Variants in PRKAA1 observed in about 807,000 individuals in gnomAD.
PRKAA1 encodes 5'-AMP-activated protein kinase catalytic subunit alpha-1.
PRKAA1 carries 23 observed loss-of-function variants against 56.9 expected under a neutral mutation model. That is an observed-to-expected ratio of 0.40 (90% confidence interval 0.29 to 0.57). PRKAA1 has a LOEUF of 0.57. PRKAA1 is among the 20% of genes least tolerant of loss of function. The probability of loss-of-function intolerance (pLI) is 0.39; values close to 1 mark genes in which losing one functional copy is unlikely to be tolerated. For missense variants in PRKAA1, 413 were observed against 679.7 expected, an observed-to-expected ratio of 0.61 and a Z score of 4.36; for synonymous variants, 226 against 227.0, an observed-to-expected ratio of 1.00 and a Z score of 0.04.
chr5:40,784,904 A>AT (rs1460885794), intron 1 of PRKAA1, among the ~76,000 whole-genome samples: 1 of 152,194 alleles, frequency 6.6e-6, no homozygotes, highest in Non-Finnish European at 1.5e-5. Context: ...GTGAAATTTG[A>AT]TTTTTTTAAA....
intron 4 of PRKAA1, among the ~76,000 whole-genome samples, chr5:40,771,408 C>G (rs373561782): frequency 2.6e-5 from 4 of 152,190 alleles, no homozygotes; most frequent in Admixed American, 2.0e-4. Flanking sequence ...GAGGCTGAGG[C>G]AGGAGGGTCA....
intron 3 of PRKAA1, chr5:40,774,962 A>G: frequency 6.2e-7 from 1 of 1,605,100 alleles, no homozygotes; most frequent in Non-Finnish European, 8.5e-7. Context: ...TACTCCAGGT[A>G]CATCAGATTT....
intron 1 of PRKAA1, among the ~76,000 whole-genome samples, chr5:40,794,101 C>CA (rs34697780): frequency 0.38 from 52,372 of 139,392 alleles, 9,867 homozygotes; most frequent in Admixed American, 0.48. Context: ...AAACTGTCTC[C>CA]AAAAAAAAAA....
intron 3 of PRKAA1, 24 bp downstream of exon 3, chr5:40,775,386 C>T: frequency 6.5e-7 from 1 of 1,543,342 alleles, no homozygotes; most frequent in Non-Finnish European, 9.0e-7. Context: ...AAAATACATA[C>T]AGAATTAAAG....
chr5:40,774,549 ATTTTTTT>A (rs34814119), intron 3 of PRKAA1, among the ~76,000 whole-genome samples: 3 of 125,078 alleles, frequency 2.4e-5, no homozygotes, highest in African/African-American at 9.2e-5. Context: ...TCCAGGCAGA[ATTTTTTT>A]TTTTTTTTTT....
chr5:40,793,565 C>A (rs1744803082), intron 1 of PRKAA1, among the ~76,000 whole-genome samples: 1 of 152,142 alleles, frequency 6.6e-6, no homozygotes, highest in Non-Finnish European at 1.5e-5. Flanking sequence ...TTAAATTTAC[C>A]AATATGTATA....
chr5:40,760,484 A>T lies in PRKAA1; in HGVS notation c.*2294T>A, dbSNP rs1385808926. 1.3e-5 allele frequency: 2 copies of T among 152,730 alleles called. No individual in the cohort carries two copies. The highest frequency in any genetic ancestry group is 2.4e-5 in the African/African-American group (1 of 41,442). 9.5% of individuals were successfully genotyped at this position (152,730 alleles called of 1,614,324 possible). On this transcript the variant is annotated 3_prime_UTR_variant, in exon 9 of 9. Coordinates refer to ENST00000397128, the MANE Select transcript of PRKAA1 (RefSeq NM_006251.6). ...ACTTAATTCCATATACAAATTTGTA[A>T]CTTTAAAAATACAGTCTTCTGTTAA... is the stretch of plus-strand genomic sequence containing the variant.
chr5:40,792,401 C>T (rs1172441726), intron 1 of PRKAA1, among the ~76,000 whole-genome samples: 4 of 152,076 alleles, frequency 2.6e-5, no homozygotes, highest in Admixed American at 2.6e-4. Flanking sequence ...AATATGGCAG[C>T]GAATAACCCA....
Position 40,761,288 on chromosome 5 carries a change from T to C in PRKAA1, c.*1490A>G, listed in dbSNP as rs1366033420. 1 of 152,080 alleles carries C rather than the reference T, an allele frequency of 6.6e-6. No individual in the cohort carries two copies. Among genetic ancestry groups the C allele is most frequent in the African/African-American group, 2.4e-5 (1 of 41,414 alleles). 9.4% of individuals were successfully genotyped at this position (152,080 alleles called of 1,614,324 possible). A position where few individuals can be genotyped will look rare whatever the true frequency, so the allele number is the denominator to read the frequency against. On this transcript the variant is annotated 3_prime_UTR_variant, in exon 9 of 9. Transcript: ENST00000397128. The stretch of plus-strand genomic sequence containing the variant: ...TTAAATATGGCTTGATTAGATGATA[T>C]TGGGGAATTATTACTTTTACAATGG...
chr5:40,787,718 T>C (rs1353397055), intron 1 of PRKAA1, among the ~76,000 whole-genome samples: 1 of 142,012 alleles, frequency 7.0e-6, no homozygotes, highest in East Asian at 2.0e-4. Context: ...AAAGAAAAAA[T>C]CCAAAGTGGA....
intron 1 of PRKAA1, among the ~76,000 whole-genome samples, chr5:40,783,470 T>A (rs931364839): frequency 6.6e-6 from 1 of 151,988 alleles, no homozygotes; most frequent in African/African-American, 2.4e-5. Flanking sequence ...AGAAAAAAAA[T>A]TTCCAAGGCC....
chr5:40,771,896 T>C (rs761219778), intron 3 of PRKAA1, 33 bp from the exon 4 acceptor site: 1 of 1,593,950 alleles, frequency 6.3e-7, no homozygotes, highest in Non-Finnish European at 8.5e-7. Context: ...TTTAAAGGTG[T>C]GTCTTTCAAA....
In PRKAA1 at chr5:40,798,223, G is replaced by A. The variant is rs775973804; in HGVS notation, c.-34C>T. Reference sequence around the variant, plus strand: ...GGGAGGGGGCGGAGGGGGCGGGCAGGGCCGCGCCGGGGGCGGGCGGGGAGG... The same window carrying A: ...GGGAGGGGGCGGAGGGGGCGGGCAGAGCCGCGCCGGGGGCGGGCGGGGAGG... On this transcript the variant is annotated 5_prime_UTR_variant, in exon 1 of 9. Coordinates refer to ENST00000397128, the MANE Select transcript of PRKAA1 (RefSeq NM_006251.6). 84 of 271,686 alleles carry A rather than the reference G, an allele frequency of 3.1e-4. No homozygotes were observed. The highest frequency in any genetic ancestry group is 5.4e-4 in the Non-Finnish European group (78 of 145,062). 16.8% of individuals were successfully genotyped at this position (271,686 alleles called of 1,614,324 possible).
chr5:40,775,375 C>G, intron 3 of PRKAA1, 35 bp downstream of exon 3: 2 of 1,516,978 alleles, frequency 1.3e-6, no homozygotes, highest in South Asian at 2.2e-5. Flanking sequence ...AGGGGAGTTA[C>G]AAAATACATA....
chr5:40,788,430 A>C (rs1166746772), intron 1 of PRKAA1, among the ~76,000 whole-genome samples: 1 of 152,222 alleles, frequency 6.6e-6, no homozygotes, highest in Non-Finnish European at 1.5e-5. Flanking sequence ...TTAGGCGAGA[A>C]GCTCCATGAC....
intron 8 of PRKAA1, 143 bp downstream of exon 8, chr5:40,764,371 T>C (rs1166271965): frequency 1.3e-6 from 1 of 746,952 alleles, no homozygotes; most frequent in Non-Finnish European, 2.1e-6. Flanking sequence ...ATGTTAATAT[T>C]GCAAAGGCAC....
chr5:40,797,962 A>G lies in PRKAA1; in HGVS notation c.127+101T>C, dbSNP rs576688929. The G allele has an allele frequency of 7.2e-3, 10,447 of 1,457,374 alleles. 59 individuals carry two copies. Among genetic ancestry groups the G allele is most frequent in the Non-Finnish European group, 8.9e-3 (9,667 of 1,087,258 alleles). The allele number at this position is 1,457,374 out of a possible 1,614,324, so 90.3% of individuals were successfully genotyped here. On this transcript the variant is annotated intron_variant, in intron 1 of 8. Transcript: ENST00000397128. Reference sequence around the variant, plus strand: ...CGGGACAGGGGCTGCCCAGCCCTGGAAAGAAGGGACGCAGCGGGCGGGGGA... The same window carrying G: ...CGGGACAGGGGCTGCCCAGCCCTGGGAAGAAGGGACGCAGCGGGCGGGGGA...
At chr5:40,795,285 C>A (rs565300443) in intron 1 of PRKAA1, among the ~76,000 whole-genome samples, 1 of 152,028 alleles carries the variant, frequency 6.6e-6, no homozygotes, top group African/African-American at 2.4e-5. Context: ...AAATATGATG[C>A]AATGTATACT....
intron 1 of PRKAA1, among the ~76,000 whole-genome samples, chr5:40,780,971 ATAAACCATCTCCT>A (rs1452786106): frequency 6.6e-6 from 1 of 152,198 alleles, no homozygotes; most frequent in African/African-American, 2.4e-5. Context: ...TTTGGCACCC[ATAAACCATCTCCT>A]TAAACCATAC....
Sources: gnomAD v4.1 joint callset for allele counts (sites outside exome capture counted in the v4.1 genomes callset) on GRCh38, gnomAD v4.1.1 for gene constraint, MANE v1.5 for transcripts, NCBI Gene and HGNC (gene_info 2026-07-23, HGNC 2026-07-21) for gene names.